LEPR: variants seen among roughly 807,000 people sequenced by gnomAD.
LEPR encodes the protein leptin receptor, also known as OB receptor.
In LEPR, 56 loss-of-function variants were observed where a neutral mutation model predicts 114.7. That is an observed-to-expected ratio of 0.49 (90% CI 0.39 to 0.61). The LOEUF is 0.61. Among genes scored for constraint, LEPR ranks in the 20% least tolerant of loss-of-function variants. The pLI, the probability that LEPR is intolerant of heterozygous loss-of-function variation, is 0.00. For synonymous variants in LEPR, 443 were observed against 461.4 expected (o/e 0.96, Z 0.51); for missense variants, 1,202 against 1,352.9 (o/e 0.89, Z 1.75).
intron 10 of LEPR, among the ~76,000 whole-genome samples, chr1:65,603,423 T>G (rs1326791962): frequency 6.6e-6 from 1 of 151,832 alleles, no homozygotes; most frequent in Non-Finnish European, 1.5e-5. Context: ...GTATAGAAAA[T>G]AGAAAATGAC....
chr1:65,598,095 C>CTTTTTTTTTTTTT (rs1226626771), intron 7 of LEPR, among the ~76,000 whole-genome samples: 2,819 of 101,148 alleles, frequency 0.028, 378 homozygotes, highest in African/African-American at 0.073. Context: ...CCTCCTGCCT[C>CTTTTTTTTTTTTT]TTTTTTTTTT....
At chr1:65,541,029 T>C (rs1478050006) in intron 2 of LEPR, among the ~76,000 whole-genome samples, 2 of 152,028 alleles carry the variant, frequency 1.3e-5, no homozygotes, top group African/African-American at 4.8e-5. Flanking sequence ...ATGGGGTTTT[T>C]CCAGGCTGGT....
chr1:65,454,510 T>C, intron 2 of LEPR, among the ~76,000 whole-genome samples: 1 of 152,178 alleles, frequency 6.6e-6, no homozygotes, highest in East Asian at 1.9e-4. Context: ...TTTGCTTGTC[T>C]GTAAAGTATT....
intron 2 of LEPR, among the ~76,000 whole-genome samples, chr1:65,564,537 T>C (rs536655462): frequency 6.6e-6 from 1 of 151,696 alleles, no homozygotes; most frequent in Non-Finnish European, 1.5e-5. Flanking sequence ...CTGGGAGCTG[T>C]AGACCGGAGC....
chr1:65,532,687 C>G lies in LEPR; in HGVS notation c.-20-32859C>G, dbSNP rs748096339. ...TGAAGTGCTGATAAATGCTTCAACA[C>G]GATGATCCTTGAAAACATGATGCTA... On this transcript the variant is annotated intron_variant, in intron 2 of 19. Coordinates refer to ENST00000349533, the MANE Select transcript of LEPR (RefSeq NM_002303.6). Among the ~76,000 whole-genome samples, 918 of 152,218 alleles carry G rather than the reference C, an allele frequency of 6.0e-3. 12 individuals carry two copies. The highest frequency in any genetic ancestry group is 0.021 in the African/African-American group (883 of 41,526).
intron 4 of LEPR, among the ~76,000 whole-genome samples, chr1:65,571,662 A>G (rs1032040749): frequency 2.6e-5 from 4 of 151,294 alleles, no homozygotes; most frequent in African/African-American, 4.9e-5. Context: ...GTTAAAAAAA[A>G]AAAAAAAAGG....
intron 2 of LEPR, among the ~76,000 whole-genome samples, chr1:65,507,535 G>GTA: frequency 1.2e-5 from 1 of 81,338 alleles, no homozygotes; most frequent in South Asian, 4.7e-4. Flanking sequence ...ATATATATGT[G>GTA]TGTATATATA....
chr1:65,580,644 G>A (rs1441915428), intron 5 of LEPR, among the ~76,000 whole-genome samples: 1 of 152,148 alleles, frequency 6.6e-6, no homozygotes, highest in Non-Finnish European at 1.5e-5. Flanking sequence ...TCCAGGCACG[G>A]AGCTGAGCAT....
chr1:65,513,322 T>C (rs1019622429), intron 2 of LEPR, among the ~76,000 whole-genome samples: 1 of 152,212 alleles, frequency 6.6e-6, no homozygotes, highest in Non-Finnish European at 1.5e-5. Flanking sequence ...AACAGGCTGA[T>C]AAAAACACTG....
intron 2 of LEPR, among the ~76,000 whole-genome samples, chr1:65,512,462 A>G (rs1649084034): frequency 6.6e-6 from 1 of 152,158 alleles, no homozygotes; most frequent in African/African-American, 2.4e-5. Context: ...GGAGCAGTAG[A>G]CTAATTCCTG....
intron 2 of LEPR, among the ~76,000 whole-genome samples, chr1:65,473,339 A>C (rs1281995146): frequency 6.6e-6 from 1 of 152,200 alleles, no homozygotes; most frequent in Non-Finnish European, 1.5e-5. Context: ...CTATATGTGA[A>C]GGCACCTTTT....
intron 2 of LEPR, among the ~76,000 whole-genome samples, chr1:65,528,632 A>G (rs114691777): frequency 6.6e-6 from 1 of 152,068 alleles, no homozygotes; most frequent in Admixed American, 6.5e-5. Context: ...AGAGAAGCAT[A>G]TAAAACAAAT....
chr1:65,484,442 T>A (rs1647372364), intron 2 of LEPR, among the ~76,000 whole-genome samples: 1 of 152,204 alleles, frequency 6.6e-6, no homozygotes, highest in African/African-American at 2.4e-5. Flanking sequence ...TTTAAACTAA[T>A]GATTTGCTTT....
intron 2 of LEPR, among the ~76,000 whole-genome samples, chr1:65,540,744 G>A (rs554580733): frequency 1.3e-5 from 2 of 152,076 alleles, no homozygotes; most frequent in African/African-American, 2.4e-5. Context: ...GCTGCTGATC[G>A]CTCTCTCATT....
chr1:65,592,780 C>T lies in LEPR; in HGVS notation c.618C>T (p.Asn206=), dbSNP rs144587092. 128 of 1,613,350 alleles carry T rather than the reference C, an allele frequency of 7.9e-5. 1 individual carries two copies. The highest frequency in any genetic ancestry group is 2.3e-4 in the South Asian group (21 of 91,056). ...CLVPVPTAKL[N]DTLLMCLKIT... is the part of the protein sequence containing the mutation. Reference sequence around the variant, plus strand: ...TGCCTGTGCCAACAGCCAAACTCAACGACACTCTCCTTATGTGTTTGAAAA... The same window carrying T: ...TGCCTGTGCCAACAGCCAAACTCAATGACACTCTCCTTATGTGTTTGAAAA... The change falls in exon 6 of 20, where the codon AAC becomes AAT. Residue 206 remains asparagine (N), a synonymous_variant. Coordinates refer to ENST00000349533, the MANE Select transcript of LEPR (RefSeq NM_002303.6).
chr1:65,505,754 CTT>C (rs34274342), intron 2 of LEPR, among the ~76,000 whole-genome samples: 16,606 of 144,952 alleles, frequency 0.11, 967 homozygotes, highest in African/African-American at 0.15. Context: ...CTCACCATCC[CTT>C]TTTTTTTTTT....
rs1339294012 is a variant in LEPR, at chr1:65,601,572, CT to C, written c.1181del (p.Phe394SerfsTer3). The C allele has an allele frequency of 6.2e-7, 1 of 1,613,730 alleles. No homozygotes were observed. The highest frequency in any genetic ancestry group is 1.3e-5 in the African/African-American group (1 of 74,990). ...GTGAGTGATCATGTTAGCAAAGTTA[CT>C]TTTTTCAATCTGAATGAAACCAAAC... Reference protein sequence around the residue: ...DVVSDHVSKVTFFNLNETKPR... With the variant: ...DVVSDHVSKVXFFNLNETKPR... On this transcript the variant is annotated frameshift_variant, in exon 9 of 20. Transcript: ENST00000349533. LOFTEE classifies it high-confidence loss of function.
rs543640695 is a variant in LEPR at position 65,468,399 on chromosome 1, G to T, written c.-21+43021G>T. ...AATTATAGAGGACACTGGGTATGTG[G>T]TATAGTTATACGAGAACAATCTGTA... On this transcript the variant is annotated intron_variant, in intron 2 of 19. Transcript: ENST00000349533. 3.3e-5 allele frequency among the ~76,000 whole-genome samples: 5 copies of T among 152,304 alleles called. No individual in the cohort carries two copies. The South Asian group carries it at 1.0e-3, about 32-fold the overall frequency.
chr1:65,587,064 A>T (rs375746983), intron 5 of LEPR, among the ~76,000 whole-genome samples: 1 of 152,048 alleles, frequency 6.6e-6, no homozygotes, highest in Non-Finnish European at 1.5e-5. Flanking sequence ...CTTTGGCAAG[A>T]CCATCTAAAG....
Sources: allele counts gnomAD v4.1 joint callset (sites outside exome capture counted in the v4.1 genomes callset), GRCh38; gene constraint gnomAD v4.1.1; transcripts MANE v1.5; gene names NCBI Gene and HGNC (gene_info 2026-07-23, HGNC 2026-07-21).